The following RGL1 variants were observed in gnomAD, a reference collection of about 807,000 sequenced individuals.
RGL1 encodes ral guanine nucleotide dissociation stimulator-like 1.
Under a neutral mutation model 95.2 loss-of-function variants are expected in RGL1, and 24 were observed. That is an observed-to-expected ratio of 0.25 (90% confidence interval 0.18 to 0.35). The LOEUF is 0.35. Among genes scored for constraint, RGL1 ranks in the 10% least tolerant of loss-of-function variants. The probability of loss-of-function intolerance (pLI) is 1.00; values close to 1 mark genes in which losing one functional copy is unlikely to be tolerated. For missense variants in RGL1, 715 were observed against 936.3 expected (o/e 0.76, Z 3.08); for synonymous variants, 329 against 344.9 (o/e 0.95, Z 0.51).
chr1:183,866,213 CT>C, intron 4 of RGL1, 140 bp downstream of exon 4: 1 of 645,976 alleles, frequency 1.5e-6, no homozygotes. Flanking sequence ...TTTTGATTAC[CT>C]AACAATATTC....
intron 5 of RGL1, among the ~76,000 whole-genome samples, chr1:183,881,429 A>G (rs1666822040): frequency 2.0e-5 from 3 of 152,204 alleles, no homozygotes; most frequent in African/African-American, 7.2e-5. Context: ...TTAACTTCCT[A>G]TTTGCAAGGA....
At chr1:183,731,912 C>T (rs1656649412) in intron 1 of RGL1, among the ~76,000 whole-genome samples, 1 of 152,072 alleles carries the variant, frequency 6.6e-6, no homozygotes, top group Non-Finnish European at 1.5e-5. Context: ...ATTAAGAACT[C>T]CCAGCTCAAG....
intron 1 of RGL1, among the ~76,000 whole-genome samples, chr1:183,654,781 A>G (rs1039396952): frequency 3.3e-5 from 5 of 152,226 alleles, no homozygotes; most frequent in East Asian, 1.9e-4. Context: ...ACATTTATCA[A>G]TTGCATTTTA....
At chr1:183,875,685 G>A (rs1485960057) in intron 4 of RGL1, among the ~76,000 whole-genome samples, 1 of 151,762 alleles carries the variant, frequency 6.6e-6, no homozygotes, top group Non-Finnish European at 1.5e-5. Context: ...AAACCAGCCT[G>A]GCCAACATGG....
chr1:183,882,729 G>A (rs1666894487), intron 5 of RGL1, among the ~76,000 whole-genome samples: 1 of 152,162 alleles, frequency 6.6e-6, no homozygotes. Flanking sequence ...TGCCCTAAAG[G>A]GGAAGTGGTG....
intron 9 of RGL1, among the ~76,000 whole-genome samples, chr1:183,893,989 G>C (rs1667558643): frequency 6.6e-6 from 1 of 152,214 alleles, no homozygotes; most frequent in Non-Finnish European, 1.5e-5. Context: ...GATATGAGAA[G>C]GGCAGTATGT....
At chr1:183,668,083 T>A (rs1652171605) in intron 1 of RGL1, among the ~76,000 whole-genome samples, 1 of 152,168 alleles carries the variant, frequency 6.6e-6, no homozygotes, top group Non-Finnish European at 1.5e-5. Context: ...ATCTGTTAGA[T>A]CAATTACGAA....
At chr1:183,696,505 A>G (rs1042455687) in intron 1 of RGL1, among the ~76,000 whole-genome samples, 1 of 152,198 alleles carries the variant, frequency 6.6e-6, no homozygotes, top group Non-Finnish European at 1.5e-5. Context: ...CTCAGTTGAC[A>G]AAGGTTGCCA....
intron 2 of RGL1, among the ~76,000 whole-genome samples, chr1:183,824,065 G>A (rs1049576709): frequency 6.6e-6 from 1 of 151,492 alleles, no homozygotes; most frequent in Admixed American, 6.6e-5. Flanking sequence ...TGGGATTATG[G>A]GCATGAGCCA....
chr1:183,837,191 G>T (rs1408701076), intron 2 of RGL1, among the ~76,000 whole-genome samples: 1 of 151,702 alleles, frequency 6.6e-6, no homozygotes, highest in African/African-American at 2.4e-5. Context: ...GCCCCATGGA[G>T]CTGTCTGTGG....
At chr1:183,899,365 A>G (rs1156604154) in intron 10 of RGL1, among the ~76,000 whole-genome samples, 1 of 152,228 alleles carries the variant, frequency 6.6e-6, no homozygotes, top group African/African-American at 2.4e-5. Context: ...CTTCAGGTCT[A>G]CGACAGTGTT....
chr1:183,920,286 C>T (rs1043228251), intron 16 of RGL1, among the ~76,000 whole-genome samples: 4 of 152,180 alleles, frequency 2.6e-5, no homozygotes, highest in African/African-American at 7.2e-5. Flanking sequence ...CCACCTGCCT[C>T]GGCCTCCCAA....
intron 1 of RGL1, among the ~76,000 whole-genome samples, chr1:183,736,339 A>G (rs1203910088): frequency 6.6e-6 from 1 of 152,206 alleles, no homozygotes; most frequent in Admixed American, 6.5e-5. Flanking sequence ...TGAATGCTTT[A>G]CTTTTGTAAC....
chr1:183,766,508 T>C (rs1658975944), intron 2 of RGL1, among the ~76,000 whole-genome samples: 1 of 152,170 alleles, frequency 6.6e-6, no homozygotes, highest in African/African-American at 2.4e-5. Flanking sequence ...TTTTCCTCAT[T>C]TTCTAAAGGA....
chr1:183,653,644 A>G (rs1650932274), intron 1 of RGL1, among the ~76,000 whole-genome samples: 1 of 152,172 alleles, frequency 6.6e-6, no homozygotes, highest in African/African-American at 2.4e-5. Flanking sequence ...GAGGGAGCAG[A>G]GAGTTGACTT....
In RGL1 at chr1:183,686,146, A is replaced by G. The variant is rs532332466; in HGVS notation, c.-33+49645A>G. Among the ~76,000 whole-genome samples the G allele has an allele frequency of 7.2e-5, 11 of 152,266 alleles. No homozygotes were observed. In the South Asian group the frequency reaches 2.1e-3, roughly 29 times the overall value. ...GTTATATATGTCATGCCGAATCAAC[A>G]TTATTTTCAGAAGTCATTCCTCTTT... On this transcript the variant is annotated intron_variant, in intron 1 of 18. Transcript: ENST00000304685.
chr1:183,849,128 A>G (rs1055917340), intron 3 of RGL1, among the ~76,000 whole-genome samples: 1 of 152,122 alleles, frequency 6.6e-6, no homozygotes, highest in Non-Finnish European at 1.5e-5. Context: ...CCTGTTGTCC[A>G]GACTGGACTG....
upstream of RGL1, among the ~76,000 whole-genome samples, chr1:183,800,392 A>AT (rs200381451): frequency 6.0e-5 from 9 of 150,712 alleles, no homozygotes; most frequent in African/African-American, 4.9e-5. Flanking sequence ...AAAGCAAGAA[A>AT]TTTTTTTTTT....
intron 1 of RGL1, among the ~76,000 whole-genome samples, chr1:183,706,587 G>T (rs546730009): frequency 6.6e-6 from 1 of 152,204 alleles, no homozygotes; most frequent in African/African-American, 2.4e-5. Flanking sequence ...CCTCCACAGA[G>T]GGGGCACAGC....
Sources: allele counts gnomAD v4.1 joint callset (sites outside exome capture counted in the v4.1 genomes callset), GRCh38; gene constraint gnomAD v4.1.1; transcripts MANE v1.5; gene names NCBI Gene and HGNC (gene_info 2026-07-23, HGNC 2026-07-21).